MAGI2: variants seen among roughly 807,000 people sequenced by gnomAD.
MAGI2 encodes membrane associated guanylate kinase, WW and PDZ domain containing 2, also known as membrane-associated guanylate kinase, WW and PDZ domain-containing protein 2.
In MAGI2, 35 loss-of-function variants were observed where a neutral mutation model predicts 133.3. The observed-to-expected ratio is 0.26, with a 90% CI of 0.20 to 0.35. The LOEUF (loss-of-function observed/expected upper bound fraction) is 0.35. MAGI2 is among the 10% of genes least tolerant of loss of function. The pLI is 1.00. For synonymous variants in MAGI2, 729 were observed against 710.6 expected (o/e 1.03, Z -0.41); for missense variants, 1,636 against 1,863.4 (o/e 0.88, Z 2.25).
chr7:78,141,178 G>C (rs982140949), intron 16 of MAGI2, among the ~76,000 whole-genome samples: 3 of 152,108 alleles, frequency 2.0e-5, no homozygotes, highest in African/African-American at 7.2e-5. Flanking sequence ...CATAATTATT[G>C]CTTCCTTGAG....
At chr7:78,089,497 C>A (rs918745003) in intron 20 of MAGI2, among the ~76,000 whole-genome samples, 85 of 152,196 alleles carry the variant, frequency 5.6e-4, no homozygotes, top group African/African-American at 1.7e-3. Flanking sequence ...AATTCAAGAA[C>A]AAGACAAAAA....
At chr7:79,227,668 G>A (rs996017328) in intron 1 of MAGI2, among the ~76,000 whole-genome samples, 1 of 152,014 alleles carries the variant, frequency 6.6e-6, no homozygotes, top group Non-Finnish European at 1.5e-5. Context: ...AAACATATAG[G>A]TGTATCCTAA....
At chr7:79,427,836 G>A (rs955495561) in intron 1 of MAGI2, among the ~76,000 whole-genome samples, 2 of 151,990 alleles carry the variant, frequency 1.3e-5, no homozygotes, top group Non-Finnish European at 1.5e-5. Context: ...GATTGGGCAA[G>A]GGAAAGACTG....
intron 3 of MAGI2, among the ~76,000 whole-genome samples, chr7:78,554,322 T>C (rs1332685523): frequency 2.0e-5 from 3 of 152,218 alleles, no homozygotes; most frequent in African/African-American, 7.2e-5. Context: ...ACCATCATGA[T>C]CTTGGTCACA....
rs909783802 is a variant in MAGI2 at position 79,304,300 on chromosome 7, C to T, written c.301+148720G>A. Among the ~76,000 whole-genome samples, 4 of 149,114 alleles carry T rather than the reference C, an allele frequency of 2.7e-5. No homozygotes were observed. In the East Asian group the frequency reaches 6.0e-4, roughly 22 times the overall value. On this transcript the variant is annotated intron_variant, in intron 1 of 21. Transcript: ENST00000354212. ...TAAATTATTCAAGGTATTCAATAATCAAGTCACCAAATCATATACAAAGTG... is the reference window on the plus strand; with the variant it reads ...TAAATTATTCAAGGTATTCAATAATTAAGTCACCAAATCATATACAAAGTG...
At chr7:79,000,997 A>G (rs1310139833) in intron 2 of MAGI2, among the ~76,000 whole-genome samples, 1 of 151,976 alleles carries the variant, frequency 6.6e-6, no homozygotes, top group East Asian at 1.9e-4. Flanking sequence ...GCTCACTGCA[A>G]CCTCCGCCTC....
rs2075013 is a variant in MAGI2 at position 78,344,139 on chromosome 7, C to T, written c.1226-179G>A. Among the ~76,000 whole-genome samples, 84,195 of 151,908 alleles carry T rather than the reference C, an allele frequency of 0.55. 23,811 individuals are homozygous for T. Among genetic ancestry groups the T allele is most frequent in the African/African-American group, 0.64 (26,360 of 41,416 alleles). Reference sequence around the variant, plus strand: ...CAAAACTATTAGAACTTCCTACACACGAAGAGCAGTCCCAAGCATCCAGGG... The same window carrying T: ...CAAAACTATTAGAACTTCCTACACATGAAGAGCAGTCCCAAGCATCCAGGG... On this transcript the variant is annotated intron_variant, in intron 8 of 21. Coordinates refer to ENST00000354212, the MANE Select transcript of MAGI2 (RefSeq NM_012301.4).
chr7:78,039,793 G>A (rs977565299), intron 21 of MAGI2, among the ~76,000 whole-genome samples: 1 of 152,234 alleles, frequency 6.6e-6, no homozygotes, highest in African/African-American at 2.4e-5. Flanking sequence ...AAAGGGTAGA[G>A]TGATTATGCT....
At chr7:79,258,744 C>T (rs1051245871) in intron 1 of MAGI2, among the ~76,000 whole-genome samples, 1 of 152,190 alleles carries the variant, frequency 6.6e-6, no homozygotes, top group African/African-American at 2.4e-5. Flanking sequence ...ATCCTCCTGC[C>T]TTGGCCTCCC....
chr7:78,435,002 A>G (rs1800146774), intron 6 of MAGI2, among the ~76,000 whole-genome samples: 1 of 151,986 alleles, frequency 6.6e-6, no homozygotes, highest in Non-Finnish European at 1.5e-5. Flanking sequence ...CAATCCCTAA[A>G]TGCCTCACAA....
intron 9 of MAGI2, among the ~76,000 whole-genome samples, chr7:78,307,284 A>C (rs1345061169): frequency 6.6e-6 from 1 of 152,166 alleles, no homozygotes; most frequent in African/African-American, 2.4e-5. Context: ...TATGCAGTTA[A>C]TTATTAGAAC....
At chr7:79,064,692 C>T (rs1031631366) in intron 1 of MAGI2, among the ~76,000 whole-genome samples, 7 of 152,056 alleles carry the variant, frequency 4.6e-5, no homozygotes, top group African/African-American at 1.7e-4. Flanking sequence ...ATCCATTATT[C>T]CTTCTCCCTG....
intron 21 of MAGI2, among the ~76,000 whole-genome samples, chr7:78,044,426 C>T (rs1324879836): frequency 6.6e-6 from 1 of 152,202 alleles, no homozygotes; most frequent in Non-Finnish European, 1.5e-5. Flanking sequence ...ATGGCATTAA[C>T]ACATCTGCAG....
chr7:78,633,149 C>T (rs1809207820), intron 2 of MAGI2, among the ~76,000 whole-genome samples: 1 of 152,270 alleles, frequency 6.6e-6, no homozygotes, highest in African/African-American at 2.4e-5. Flanking sequence ...GAACAGAAAA[C>T]CAGATACTGC....
chr7:78,617,828 C>A (rs1807271377), intron 3 of MAGI2: 1 of 151,914 alleles, frequency 6.6e-6, no homozygotes, highest in Non-Finnish European at 1.5e-5. Context: ...AATAAAGTAG[C>A]TACTTAGCAA....
At chr7:78,187,045 T>C (rs1827762221) in intron 12 of MAGI2, among the ~76,000 whole-genome samples, 1 of 152,172 alleles carries the variant, frequency 6.6e-6, no homozygotes, top group Non-Finnish European at 1.5e-5. Flanking sequence ...TCTGAGAGAA[T>C]GGCAGGATAT....
intron 14 of MAGI2, 43 bp from the exon 15 acceptor site, chr7:78,168,151 CT>C: frequency 6.7e-7 from 1 of 1,486,420 alleles, no homozygotes; most frequent in Non-Finnish European, 9.2e-7. Flanking sequence ...CATTTCAATC[CT>C]TTTTCCTTTT....
At chr7:79,270,498 C>T (rs777471217) in intron 1 of MAGI2, among the ~76,000 whole-genome samples, 3 of 152,154 alleles carry the variant, frequency 2.0e-5, no homozygotes, top group Non-Finnish European at 4.4e-5. Flanking sequence ...TAACTTTTCT[C>T]AATCATTTAA....
chr7:78,922,067 A>G lies in MAGI2; in HGVS notation c.418+85023T>C, dbSNP rs575741674. Among the ~76,000 whole-genome samples the G allele has an allele frequency of 3.9e-5, 6 of 152,180 alleles. No individual in the cohort carries two copies. In the South Asian group the frequency reaches 8.3e-4, roughly 21 times the overall value. ...CTGAGATTATCACCAAGAAAAAGCA[A>G]CAGACATGCTTTATCAGTTGGTTCT... On this transcript the variant is annotated intron_variant, in intron 2 of 21. Transcript: ENST00000354212.
Sources: gnomAD v4.1 joint callset for allele counts (sites outside exome capture counted in the v4.1 genomes callset) on GRCh38, gnomAD v4.1.1 for gene constraint, MANE v1.5 for transcripts, NCBI Gene and HGNC (gene_info 2026-07-23, HGNC 2026-07-21) for gene names.